Variants in DLGAP2 observed in about 807,000 individuals in gnomAD.
DLGAP2 encodes the protein DLG associated protein 2, also known as disks large-associated protein 2.
Under a neutral mutation model 100.3 loss-of-function variants are expected in DLGAP2, and 26 were observed. The observed-to-expected ratio is 0.26, with a 90% CI of 0.19 to 0.36. The LOEUF (loss-of-function observed/expected upper bound fraction) is 0.36. Among genes scored for constraint, DLGAP2 ranks in the 10% least tolerant of loss-of-function variants. The pLI, the probability that DLGAP2 is intolerant of heterozygous loss-of-function variation, is 1.00. For missense variants in DLGAP2, 1,858 were observed against 1,453.2 expected (o/e 1.28, Z -4.53); for synonymous variants, 886 against 630.1 (o/e 1.41, Z -6.08).
intron 3 of DLGAP2, among the ~76,000 whole-genome samples, chr8:1,311,102 T>G (rs965520374): frequency 6.6e-6 from 1 of 151,508 alleles, no homozygotes; most frequent in South Asian, 2.1e-4. Context: ...ATGGGGACAT[T>G]ACTACAGACC....
Position 1,270,120 on chromosome 8 carries a change from C to T in DLGAP2, c.106+11237C>T, listed in dbSNP as rs537658406. On this transcript the variant is annotated intron_variant, in intron 3 of 14. Coordinates refer to ENST00000637795, the MANE Select transcript of DLGAP2 (RefSeq NM_001346810.2). ...TGATGCAAAACTTTCTCCTGCTGGC[C>T]ATGGGTTGCTTTGATTTTTAAAAAC... is the stretch of plus-strand genomic sequence containing the variant. 9.8e-4 allele frequency among the ~76,000 whole-genome samples: 149 copies of T among 152,288 alleles called. 1 individual carries two copies. Among genetic ancestry groups the T allele is most frequent in the African/African-American group, 3.4e-3 (143 of 41,556 alleles).
chr8:1,109,973 G>T (rs1273941750), intron 2 of DLGAP2, among the ~76,000 whole-genome samples: 2 of 105,454 alleles, frequency 1.9e-5, no homozygotes, highest in Non-Finnish European at 3.9e-5. Flanking sequence ...TGTGAGGTGT[G>T]TACGGGTCTG....
intron 3 of DLGAP2, among the ~76,000 whole-genome samples, chr8:1,313,404 G>A (rs374127983): frequency 5.3e-5 from 8 of 152,184 alleles, no homozygotes; most frequent in Admixed American, 3.3e-4. Context: ...AGAACCCTCC[G>A]GTTGTCTGCA....
At chr8:1,452,162 G>T (rs936982310) in intron 3 of DLGAP2, among the ~76,000 whole-genome samples, 9 of 152,228 alleles carry the variant, frequency 5.9e-5, no homozygotes, top group African/African-American at 2.2e-4. Flanking sequence ...TCAGTTTGAG[G>T]CATAGCCCCG....
At chr8:1,287,047 T>G (rs1585223944) in intron 3 of DLGAP2, among the ~76,000 whole-genome samples, 1 of 152,246 alleles carries the variant, frequency 6.6e-6, no homozygotes, top group African/African-American at 2.4e-5. Flanking sequence ...CTCAGTGTTG[T>G]GTGTGTACAT....
intron 13 of DLGAP2, among the ~76,000 whole-genome samples, chr8:1,695,657 G>A (rs1489686618): frequency 1.3e-5 from 2 of 151,348 alleles, no homozygotes; most frequent in African/African-American, 2.4e-5. Flanking sequence ...GGGCACAGCT[G>A]TGCCCAGCCC....
At chr8:1,494,971 T>G (rs991339801) in intron 3 of DLGAP2, among the ~76,000 whole-genome samples, 4 of 152,112 alleles carry the variant, frequency 2.6e-5, no homozygotes, top group East Asian at 3.9e-4. Flanking sequence ...GGTGTTAGAG[T>G]GAGGTCCCGA....
rs191099535 is a variant in DLGAP2, at chr8:1,267,465, C to G, written c.106+8582C>G. 3.9e-3 allele frequency among the ~76,000 whole-genome samples: 571 copies of G among 147,234 alleles called. 4 individuals carry two copies. The highest frequency in any genetic ancestry group is 0.013 in the African/African-American group (534 of 39,778). On this transcript the variant is annotated intron_variant, in intron 3 of 14. Coordinates refer to ENST00000637795, the MANE Select transcript of DLGAP2 (RefSeq NM_001346810.2). ...CCTGTAACCCCAGCTAATTGGGAGGCTGAGAATCGCTTGAACCCAGGAGGT... is the reference window on the plus strand; with the variant it reads ...CCTGTAACCCCAGCTAATTGGGAGGGTGAGAATCGCTTGAACCCAGGAGGT...
At chr8:1,216,537 G>A (rs1798217709) in intron 2 of DLGAP2, among the ~76,000 whole-genome samples, 1 of 151,220 alleles carries the variant, frequency 6.6e-6, no homozygotes, top group African/African-American at 2.4e-5. Flanking sequence ...GTCTCACTAT[G>A]TTGCCCAGGC....
intron 2 of DLGAP2, among the ~76,000 whole-genome samples, chr8:1,146,659 G>GTGTGTGTGCA (rs901985299): frequency 6.6e-6 from 1 of 152,158 alleles, no homozygotes; most frequent in Admixed American, 6.5e-5. Flanking sequence ...GTGCATGCAC[G>GTGTGTGTGCA]TGTGTGTGCA....
Position 1,701,759 on chromosome 8 carries a change from A to C in DLGAP2, c.*353A>C. The C allele has an allele frequency of 3.3e-6, 1 of 300,728 alleles. No homozygotes were observed. The allele number at this position is 300,728 out of a possible 1,614,324, so 18.6% of individuals were successfully genotyped here. ...CTTACATTTTGTTATTTCTATTTTT[A>C]TAAATTGTGTGATAATTAGAGGTAA... On this transcript the variant is annotated 3_prime_UTR_variant, in exon 15 of 15. Transcript: ENST00000637795.
chr8:1,056,271 C>T (rs552560359), intron 2 of DLGAP2, among the ~76,000 whole-genome samples: 36 of 152,308 alleles, frequency 2.4e-4, no homozygotes, highest in African/African-American at 7.2e-4. Flanking sequence ...CCTCTCCACT[C>T]GTGGCATCTG....
At chr8:1,587,954 T>G (rs1271308446) in intron 6 of DLGAP2, among the ~76,000 whole-genome samples, 1 of 152,164 alleles carries the variant, frequency 6.6e-6, no homozygotes, top group Non-Finnish European at 1.5e-5. Flanking sequence ...ATGAGCTACT[T>G]TTCTGAGTTT....
intron 6 of DLGAP2, among the ~76,000 whole-genome samples, chr8:1,585,466 A>G (rs970151201): frequency 2.6e-5 from 4 of 152,184 alleles, no homozygotes; most frequent in African/African-American, 9.7e-5. Context: ...AGAAAAAAAA[A>G]TACTCCTTAG....
intron 2 of DLGAP2, among the ~76,000 whole-genome samples, chr8:994,491 C>T (rs1447106450): frequency 3.3e-5 from 5 of 152,196 alleles, no homozygotes; most frequent in African/African-American, 2.4e-5. Flanking sequence ...TGAGCCACTG[C>T]ACCCAGCCTG....
At chr8:934,866 A>G in intron 2 of DLGAP2, among the ~76,000 whole-genome samples, 1 of 152,208 alleles carries the variant, frequency 6.6e-6, no homozygotes, top group Non-Finnish European at 1.5e-5. Flanking sequence ...ACAGAAGGAA[A>G]GAGTGATTTG....
At chr8:1,374,733 C>T (rs1460056821) in intron 3 of DLGAP2, among the ~76,000 whole-genome samples, 1 of 152,016 alleles carries the variant, frequency 6.6e-6, no homozygotes, top group African/African-American at 2.4e-5. Flanking sequence ...TATCAAAATG[C>T]ATAAAGTGGA....
intron 3 of DLGAP2, among the ~76,000 whole-genome samples, chr8:1,472,627 T>G (rs1764233416): frequency 6.6e-6 from 1 of 152,102 alleles, no homozygotes; most frequent in African/African-American, 2.4e-5. Flanking sequence ...CCTCAAGATA[T>G]ACAGGTTCAG....
chr8:905,668 G>A (rs1798363805), intron 1 of DLGAP2, among the ~76,000 whole-genome samples: 1 of 152,262 alleles, frequency 6.6e-6, no homozygotes, highest in African/African-American at 2.4e-5. Flanking sequence ...CTCTGGTTCT[G>A]TGTATCGTCA....
Sources: allele counts gnomAD v4.1 joint callset (sites outside exome capture counted in the v4.1 genomes callset), GRCh38; gene constraint gnomAD v4.1.1; transcripts MANE v1.5; gene names NCBI Gene and HGNC (gene_info 2026-07-23, HGNC 2026-07-21).